The following SNX29 variants were observed in gnomAD, a reference collection of about 807,000 sequenced individuals.
The protein encoded by SNX29 is sorting nexin 29, also known as sorting nexin-29.
Under a neutral mutation model 102.1 loss-of-function variants are expected in SNX29, and 78 were observed. The observed-to-expected ratio is 0.76, with a 90% CI of 0.64 to 0.92. The LOEUF is 0.92. Ranked by LOEUF, SNX29 falls within the 40% of genes least tolerant of loss-of-function variation. The probability of loss-of-function intolerance (pLI) is 0.00; values close to 1 mark genes in which losing one functional copy is unlikely to be tolerated. For synonymous variants in SNX29, 580 were observed against 414.5 expected (o/e 1.40, Z -4.85); for missense variants, 1,280 against 1,061.7 (o/e 1.21, Z -2.86).
intron 14 of SNX29, among the ~76,000 whole-genome samples, chr16:12,204,318 C>T (rs2076991984): frequency 6.6e-6 from 1 of 152,170 alleles, no homozygotes; most frequent in African/African-American, 2.4e-5. Flanking sequence ...CTCATGTGTT[C>T]TATGGCAAAT....
intron 15 of SNX29, among the ~76,000 whole-genome samples, chr16:12,295,175 G>A (rs959870401): frequency 2.5e-4 from 38 of 152,150 alleles, no homozygotes; most frequent in Non-Finnish European, 5.6e-4. Context: ...ATGAGATTTG[G>A]GCCGGGGCAC....
intron 19 of SNX29, among the ~76,000 whole-genome samples, chr16:12,507,291 C>A (rs1466056716): frequency 6.6e-6 from 1 of 152,200 alleles, no homozygotes; most frequent in Non-Finnish European, 1.5e-5. Context: ...TCAGTAGATG[C>A]GAGCTGCTGT....
At position 12,117,414 on chromosome 16, in the gene SNX29, A is replaced by G. The variant is rs375349049; in HGVS notation, c.1403-9219A>G. Among the ~76,000 whole-genome samples, 337 of 134,722 alleles carry G rather than the reference A, an allele frequency of 2.5e-3. 4 individuals are homozygous for G. Among genetic ancestry groups the G allele is most frequent in the Admixed American group, 6.8e-3 (88 of 12,852 alleles). The allele number at this position is 134,722 out of a possible 152,430, so 88.4% of individuals were successfully genotyped here. On this transcript the variant is annotated intron_variant, in intron 11 of 20. Transcript: ENST00000566228. ...ACAGGCGTGGTCAATACGTGCTTCA[A>G]TGCGGACGAACCGTGGAAACAGGCG...
chr16:12,376,237 C>T lies in SNX29; in HGVS notation c.1899+19958C>T, dbSNP rs532615163. Among the ~76,000 whole-genome samples the T allele has an allele frequency of 2.1e-3, 323 of 152,236 alleles. 2 individuals are homozygous for T. Among genetic ancestry groups the T allele is most frequent in the African/African-American group, 7.2e-3 (300 of 41,544 alleles). On this transcript the variant is annotated intron_variant, in intron 16 of 20. Coordinates refer to ENST00000566228, the MANE Select transcript of SNX29 (RefSeq NM_032167.5). Reference sequence around the variant, plus strand: ...ATCACTGAAGACAGCCCCCACGCCACGTCCCTGGCACCTTTACTGGCCCCC... The same window carrying T: ...ATCACTGAAGACAGCCCCCACGCCATGTCCCTGGCACCTTTACTGGCCCCC...
At chr16:12,343,907 G>C (rs1339838570) in intron 15 of SNX29, among the ~76,000 whole-genome samples, 1 of 152,234 alleles carries the variant, frequency 6.6e-6, no homozygotes, top group African/African-American at 2.4e-5. Flanking sequence ...TGGTTTAGCT[G>C]TGTCCCCACC....
intron 16 of SNX29, among the ~76,000 whole-genome samples, chr16:12,362,360 C>T (rs577991243): frequency 1.3e-5 from 2 of 152,322 alleles, no homozygotes; most frequent in African/African-American, 2.4e-5. Context: ...CCCTGCAGGA[C>T]TCTTGGGGCT....
At chr16:12,568,321 A>C (rs1178234038) in intron 20 of SNX29, among the ~76,000 whole-genome samples, 185 bp from the exon 21 acceptor site, 1 of 146,534 alleles carries the variant, frequency 6.8e-6, no homozygotes, top group Admixed American at 6.8e-5. Context: ...AAAAAAATGG[A>C]AAGGTTTACG....
intron 19 of SNX29, chr16:12,515,577 TC>T: frequency 2.0e-6 from 1 of 491,282 alleles, no homozygotes; most frequent in Non-Finnish European, 4.0e-6. Context: ...CTGCATTGCC[TC>T]CTCTGAATCT....
intron 1 of SNX29, among the ~76,000 whole-genome samples, chr16:11,998,105 C>T (rs896395615): frequency 6.6e-5 from 10 of 152,204 alleles, no homozygotes; most frequent in Admixed American, 6.5e-4. Flanking sequence ...TCACTGACCA[C>T]CTCTGAGATA....
chr16:12,544,894 G>A (rs1006665681), intron 20 of SNX29, among the ~76,000 whole-genome samples: 2 of 152,188 alleles, frequency 1.3e-5, no homozygotes, highest in Non-Finnish European at 2.9e-5. Flanking sequence ...TGGTCAGTGG[G>A]CCAGTAATCA....
At chr16:12,389,393 T>C (rs561301578) in intron 16 of SNX29, among the ~76,000 whole-genome samples, 2 of 152,266 alleles carry the variant, frequency 1.3e-5, no homozygotes, top group South Asian at 4.1e-4. Flanking sequence ...GTTCTCATGG[T>C]AGTGATTAAG....
intron 20 of SNX29, among the ~76,000 whole-genome samples, chr16:12,538,698 G>C (rs10852350): frequency 0.17 from 25,954 of 152,004 alleles, 2,356 homozygotes; most frequent in South Asian, 0.25. Context: ...ACCAGTGGGC[G>C]AGCCTGGGCA....
chr16:12,373,226 G>C (rs1253782626), intron 16 of SNX29, among the ~76,000 whole-genome samples: 1 of 152,194 alleles, frequency 6.6e-6, no homozygotes, highest in Non-Finnish European at 1.5e-5. Context: ...TCCGACTTGT[G>C]GGCTCAAGCA....
intron 18 of SNX29, among the ~76,000 whole-genome samples, chr16:12,406,693 A>G (rs774632849): frequency 1.3e-5 from 2 of 152,208 alleles, no homozygotes; most frequent in Non-Finnish European, 2.9e-5. Context: ...GGATCACTTG[A>G]GGTCAGGAGT....
rs1357860936 is a variant in SNX29 at position 12,356,193 on chromosome 16, T to G, written c.1813T>G (p.Phe605Val). 1 of 1,613,172 alleles carries G rather than the reference T, an allele frequency of 6.2e-7. No homozygotes were observed. ...AGAGATGCATGGCGAGCTGATTGAG[T>G]TCAACGAGCGCCTGCACAGGGCCCT... ...VAEMHGELIE[F>V]NERLHRALVA... is the part of the protein sequence containing the mutation. The change falls in exon 16 of 21, where the codon TTC (phenylalanine) becomes GTC (valine). Residue 605 changes from phenylalanine (F) to valine (V), a missense_variant. Phe to Val is a conservative substitution (Grantham distance 50). Coordinates refer to ENST00000566228, the MANE Select transcript of SNX29 (RefSeq NM_032167.5).
Position 12,277,937 on chromosome 16 carries a change from A to C in SNX29, c.1683A>C (p.Pro561=), listed in dbSNP as rs2079306892. Residue 561 remains proline (P), a synonymous_variant, in exon 15 of 21, where the codon CCA becomes CCC. Transcript: ENST00000566228. The part of the protein sequence containing the change: ...LKREGQTAEV[P]NLWSVDGEVT... ...CATGTCTCTCTTTCTCTAAAGTGCCAAATCTTTGGAGTGTTGATGGAGAAG... is the reference window on the plus strand; with the variant it reads ...CATGTCTCTCTTTCTCTAAAGTGCCCAATCTTTGGAGTGTTGATGGAGAAG... 2.5e-6 allele frequency: 4 copies of C among 1,605,866 alleles called. No homozygotes were observed. The Admixed American group carries it at 5.1e-5, about 20-fold the overall frequency.
rs778642198 is a variant in SNX29, at chr16:12,042,990, G to A, written c.341G>A (p.Arg114Gln). The A allele has an allele frequency of 1.2e-6, 2 of 1,613,752 alleles. No individual in the cohort carries two copies. Among genetic ancestry groups the A allele is most frequent in the Non-Finnish European group, 1.7e-6 (2 of 1,179,870 alleles). Residue 114 changes from arginine (R) to glutamine (Q), a missense_variant, in exon 5 of 21, where the codon CGG becomes CAG. Physicochemically the swap from Arg to Gln is conservative, Grantham distance 43. Coordinates refer to ENST00000566228, the MANE Select transcript of SNX29 (RefSeq NM_032167.5). Reference sequence around the variant, plus strand: ...CGCCACATCGCCTCAGACGTGGGCCGGGGTCGCGCCTGGCTGCGCTGTGCC... The same window carrying A: ...CGCCACATCGCCTCAGACGTGGGCCAGGGTCGCGCCTGGCTGCGCTGTGCC... ...SLRHIASDVG[R>Q]GRAWLRCALN...
At chr16:12,292,359 A>G (rs1312183504) in intron 15 of SNX29, among the ~76,000 whole-genome samples, 1 of 152,098 alleles carries the variant, frequency 6.6e-6, no homozygotes, top group Non-Finnish European at 1.5e-5. Flanking sequence ...TCTTTTTCTG[A>G]AAGTGGTAGG....
intron 4 of SNX29, among the ~76,000 whole-genome samples, chr16:12,036,886 G>T (rs1418194203): frequency 6.6e-6 from 1 of 152,172 alleles, no homozygotes; most frequent in Non-Finnish European, 1.5e-5. Flanking sequence ...AGAAAAAAAA[G>T]ATGAAGGACA....
Sources: gnomAD v4.1 joint callset for allele counts (sites outside exome capture counted in the v4.1 genomes callset) on GRCh38, gnomAD v4.1.1 for gene constraint, MANE v1.5 for transcripts, NCBI Gene and HGNC (gene_info 2026-07-23, HGNC 2026-07-21) for gene names.